The following LINGO2 variants were observed in gnomAD, a reference collection of about 807,000 sequenced individuals.
The protein encoded by LINGO2 is leucine rich repeat and Ig domain containing 2, also known as leucine-rich repeat and immunoglobulin-like domain-containing nogo receptor-interacting protein 2.
Under a neutral mutation model 30.6 loss-of-function variants are expected in LINGO2, and 14 were observed. That is an observed-to-expected ratio of 0.46 (90% CI 0.30 to 0.72). LINGO2 has a LOEUF of 0.72. Ranked by LOEUF, LINGO2 falls within the 30% of genes least tolerant of loss-of-function variation. The pLI, the probability that LINGO2 is intolerant of heterozygous loss-of-function variation, is 0.07. For synonymous variants in LINGO2, 317 were observed against 288.5 expected (o/e 1.10, Z -1.00); for missense variants, 729 against 751.7 (o/e 0.97, Z 0.35).
chr9:28,949,249 A>G, the LINGO2 span, among the ~76,000 whole-genome samples: 2 of 152,148 alleles, frequency 1.3e-5, no homozygotes, highest in African/African-American at 4.8e-5. Context: ...ACAAGAAATA[A>G]CTAAGATCAG....
At chr9:29,045,161 T>A in the LINGO2 span, among the ~76,000 whole-genome samples, 2 of 152,092 alleles carry the variant, frequency 1.3e-5, no homozygotes, top group Admixed American at 1.3e-4. Context: ...ATGATTCACA[T>A]TCCAGCTGGA....
chr9:29,146,337 G>C, the LINGO2 span, among the ~76,000 whole-genome samples: 5 of 151,802 alleles, frequency 3.3e-5, no homozygotes, highest in South Asian at 2.1e-4. Context: ...TCTGGCGACA[G>C]AGCAAGGCTC....
chr9:28,137,381 A>C (rs1827548956), intron 4 of LINGO2, among the ~76,000 whole-genome samples: 1 of 152,136 alleles, frequency 6.6e-6, no homozygotes, highest in South Asian at 2.1e-4. Context: ...AGAGTGCTTG[A>C]CAGTTAAAGT....
At chr9:28,841,747 T>A in the LINGO2 span, among the ~76,000 whole-genome samples, 3 of 151,714 alleles carry the variant, frequency 2.0e-5, no homozygotes, top group East Asian at 5.8e-4. Context: ...TTAGGGTTAC[T>A]GAGTATTTAG....
At chr9:28,800,145 T>C in the LINGO2 span, among the ~76,000 whole-genome samples, 1 of 152,086 alleles carries the variant, frequency 6.6e-6, no homozygotes, top group African/African-American at 2.4e-5. Context: ...AGATTTCAGA[T>C]TCATAGCATC....
chr9:28,366,457 T>C (rs1430650433), intron 3 of LINGO2, among the ~76,000 whole-genome samples: 1 of 152,190 alleles, frequency 6.6e-6, no homozygotes, highest in African/African-American at 2.4e-5. Context: ...TTTTTATCAC[T>C]TGAAACCAAA....
chr9:27,981,551 G>GAAAAAAAAAAAAA (rs1279785343), intron 5 of LINGO2, among the ~76,000 whole-genome samples: 2 of 87,140 alleles, frequency 2.3e-5, no homozygotes, highest in African/African-American at 8.4e-5. Flanking sequence ...AAAAAAAAAA[G>GAAAAAAAAAAAAA]AAAAAAAAGA....
At chr9:28,334,569 T>G (rs957986233) in intron 3 of LINGO2, among the ~76,000 whole-genome samples, 10 of 152,146 alleles carry the variant, frequency 6.6e-5, no homozygotes, top group African/African-American at 1.9e-4. Flanking sequence ...ATGCCTGGTA[T>G]GTAGTACATT....
intron 3 of LINGO2, among the ~76,000 whole-genome samples, chr9:28,355,299 G>GTCTC (rs3065608): frequency 3.3e-5 from 4 of 120,946 alleles, no homozygotes; most frequent in African/African-American, 9.7e-5. Flanking sequence ...CTCTCTCTAT[G>GTCTC]TCTCTCTCTC....
chr9:28,798,335 G>A, the LINGO2 span, among the ~76,000 whole-genome samples: 1 of 152,068 alleles, frequency 6.6e-6, no homozygotes, highest in Admixed American at 6.6e-5. Flanking sequence ...ACAAACTTGA[G>A]TAGGTAAAAA....
chr9:28,357,824 T>G (rs868347462), intron 3 of LINGO2, among the ~76,000 whole-genome samples: 2 of 152,126 alleles, frequency 1.3e-5, no homozygotes, highest in Admixed American at 6.5e-5. Flanking sequence ...CTACAAATTT[T>G]GTGCATGGAT....
intron 4 of LINGO2, among the ~76,000 whole-genome samples, chr9:28,033,311 G>A (rs1286542000): frequency 6.6e-6 from 1 of 152,106 alleles, no homozygotes; most frequent in Non-Finnish European, 1.5e-5. Context: ...TGATGGGGGT[G>A]GGGCAAGAGT....
intron 4 of LINGO2, among the ~76,000 whole-genome samples, chr9:28,041,110 A>G (rs558563789): frequency 1.2e-4 from 19 of 152,330 alleles, no homozygotes; most frequent in African/African-American, 4.3e-4. Context: ...AAAAGCTACC[A>G]CTATTGTTGA....
the LINGO2 span, among the ~76,000 whole-genome samples, chr9:28,848,157 C>A: frequency 2.5e-4 from 20 of 79,274 alleles, no homozygotes; most frequent in South Asian, 1.1e-3. Flanking sequence ...TATATATACG[C>A]ATATATAGTG....
chr9:28,092,545 G>T (rs1826125641), intron 4 of LINGO2, among the ~76,000 whole-genome samples: 1 of 147,758 alleles, frequency 6.8e-6, no homozygotes, highest in South Asian at 2.2e-4. Context: ...AGGGCCTGTT[G>T]TGCGGTGGGG....
chr9:28,849,079 G>C, the LINGO2 span, among the ~76,000 whole-genome samples: 15 of 152,086 alleles, frequency 9.9e-5, no homozygotes, highest in South Asian at 1.9e-3. Flanking sequence ...AGGGAATTAA[G>C]GAGGAAAAAC....
chr9:27,978,799 C>T (rs973060325), intron 5 of LINGO2, among the ~76,000 whole-genome samples: 8 of 151,936 alleles, frequency 5.3e-5, no homozygotes, highest in African/African-American at 1.9e-4. Context: ...TAAAACTCTC[C>T]CCACACACAT....
At chr9:29,111,207 G>C in the LINGO2 span, among the ~76,000 whole-genome samples, 1 of 152,110 alleles carries the variant, frequency 6.6e-6, no homozygotes, top group East Asian at 1.9e-4. Context: ...AAAGTAACCT[G>C]TTTTGTGTTC....
the LINGO2 span, among the ~76,000 whole-genome samples, chr9:29,030,287 T>C: frequency 7.2e-3 from 958 of 132,894 alleles, 14 homozygotes; most frequent in African/African-American, 0.024. Flanking sequence ...CTGGCCCCAA[T>C]TATGTAATTC....
Sources: allele counts gnomAD v4.1 joint callset (sites outside exome capture counted in the v4.1 genomes callset), GRCh38; gene constraint gnomAD v4.1.1; transcripts MANE v1.5; gene names NCBI Gene and HGNC (gene_info 2026-07-23, HGNC 2026-07-21).